The following ADAM23 variants were observed in gnomAD, a reference collection of about 807,000 sequenced individuals.
The protein encoded by ADAM23 is ADAM metallopeptidase domain 23.
A neutral mutation model predicts 120.1 loss-of-function variants in ADAM23; 33 were observed. The observed-to-expected ratio is 0.27, with a 90% CI of 0.21 to 0.37. The LOEUF (loss-of-function observed/expected upper bound fraction) is 0.37. Ranked by LOEUF, ADAM23 falls within the 10% of genes least tolerant of loss-of-function variation. The probability of loss-of-function intolerance (pLI) is 1.00; values close to 1 mark genes in which losing one functional copy is unlikely to be tolerated. For synonymous variants in ADAM23, 367 were observed against 375.2 expected, an observed-to-expected ratio of 0.98 and a Z score of 0.25; for missense variants, 862 against 1,058.2, an observed-to-expected ratio of 0.81 and a Z score of 2.57.
chr2:206,505,295 C>T (rs1696474520), intron 3 of ADAM23, among the ~76,000 whole-genome samples: 1 of 152,170 alleles, frequency 6.6e-6, no homozygotes, highest in Non-Finnish European at 1.5e-5. Flanking sequence ...TACACATTTC[C>T]AGTGTGTGTT....
At chr2:206,454,650 A>G (rs1329072496) in intron 2 of ADAM23, among the ~76,000 whole-genome samples, 1 of 152,216 alleles carries the variant, frequency 6.6e-6, no homozygotes, top group Non-Finnish European at 1.5e-5. Context: ...ATAAAAAACA[A>G]GTTAGTTACT....
chr2:206,476,545 T>C (rs539128396), intron 2 of ADAM23, among the ~76,000 whole-genome samples: 1 of 152,166 alleles, frequency 6.6e-6, no homozygotes, highest in African/African-American at 2.4e-5. Flanking sequence ...GTGCGATGGA[T>C]CTAGGTTGCA....
intron 13 of ADAM23, among the ~76,000 whole-genome samples, chr2:206,564,182 A>C (rs187674775): frequency 1.8e-4 from 28 of 151,920 alleles, no homozygotes; most frequent in African/African-American, 3.6e-4. Flanking sequence ...ACCTCTCTCT[A>C]TATATATACG....
chr2:206,451,482 C>T (rs929885558), intron 2 of ADAM23, among the ~76,000 whole-genome samples: 9 of 152,182 alleles, frequency 5.9e-5, no homozygotes, highest in Admixed American at 3.3e-4. Flanking sequence ...TCAGGTGATC[C>T]GCCCACTTTG....
At chr2:206,589,638 G>A (rs923171397) in intron 21 of ADAM23, 124 bp downstream of exon 21, 4 of 688,244 alleles carry the variant, frequency 5.8e-6, no homozygotes, top group African/African-American at 5.4e-5. Flanking sequence ...AAAATTTAAA[G>A]TATTTATTTT....
intron 2 of ADAM23, among the ~76,000 whole-genome samples, chr2:206,465,148 C>CT (rs1273388639): frequency 6.6e-6 from 1 of 152,162 alleles, no homozygotes; most frequent in African/African-American, 2.4e-5. Context: ...TGGGCTTAAG[C>CT]AATCCTCAGC....
intron 3 of ADAM23, among the ~76,000 whole-genome samples, chr2:206,496,318 A>C (rs1696246652): frequency 6.6e-6 from 1 of 152,222 alleles, no homozygotes. Flanking sequence ...ACCACAGTGC[A>C]ATCAAACTAG....
intron 2 of ADAM23, among the ~76,000 whole-genome samples, chr2:206,448,274 G>C (rs922204085): frequency 1.3e-5 from 2 of 151,978 alleles, no homozygotes; most frequent in African/African-American, 4.8e-5. Context: ...CTTGATTTTT[G>C]GTGCTTACTC....
intron 18 of ADAM23, among the ~76,000 whole-genome samples, chr2:206,574,271 A>G (rs1189258560): frequency 2.0e-5 from 3 of 152,220 alleles, no homozygotes; most frequent in Middle Eastern, 3.4e-3. Context: ...CTCAACCTGT[A>G]CATATTTTAA....
intron 3 of ADAM23, among the ~76,000 whole-genome samples, chr2:206,487,014 G>C (rs1327664184): frequency 6.6e-6 from 1 of 152,090 alleles, no homozygotes; most frequent in Non-Finnish European, 1.5e-5. Context: ...ATAATGTTTT[G>C]AGGTTCATCC....
chr2:206,501,320 A>G (rs1342734236), intron 3 of ADAM23, among the ~76,000 whole-genome samples: 1 of 151,904 alleles, frequency 6.6e-6, no homozygotes, highest in Non-Finnish European at 1.5e-5. Flanking sequence ...TTCTTAAACT[A>G]TGCTGATTGC....
At chr2:206,574,184 T>G (rs1006985224) in intron 18 of ADAM23, among the ~76,000 whole-genome samples, 3 of 152,216 alleles carry the variant, frequency 2.0e-5, no homozygotes, top group Admixed American at 2.0e-4. Context: ...CATCATCATG[T>G]CAACGTTCAA....
intron 3 of ADAM23, among the ~76,000 whole-genome samples, chr2:206,517,735 G>A (rs191012470): frequency 1.3e-5 from 2 of 152,240 alleles, no homozygotes; most frequent in African/African-American, 4.8e-5. Flanking sequence ...TTTCCTGGAT[G>A]TGAATCAGTT....
At chr2:206,516,347 A>G (rs1696731330) in intron 3 of ADAM23, among the ~76,000 whole-genome samples, 1 of 152,148 alleles carries the variant, frequency 6.6e-6, no homozygotes, top group South Asian at 2.1e-4. Flanking sequence ...CATTCCACAA[A>G]AGAATAATTT....
intron 19 of ADAM23, 48 bp downstream of exon 19, chr2:206,587,423 G>C: frequency 7.3e-7 from 1 of 1,374,330 alleles, no homozygotes; most frequent in South Asian, 1.3e-5. Context: ...GGATTCATTG[G>C]AAAGTTTTTT....
At chr2:206,457,257 C>T (rs183126644) in intron 2 of ADAM23, among the ~76,000 whole-genome samples, 290 of 152,208 alleles carry the variant, frequency 1.9e-3, no homozygotes, top group Non-Finnish European at 2.7e-3. Flanking sequence ...GCATAACTGC[C>T]AAGATGATTA....
At chr2:206,587,828 G>A (rs1388734432) in intron 19 of ADAM23, among the ~76,000 whole-genome samples, 2 of 152,172 alleles carry the variant, frequency 1.3e-5, no homozygotes, top group Non-Finnish European at 2.9e-5. Context: ...TCACAGAAAT[G>A]TACCAATTTT....
At chr2:206,490,235 A>T (rs1268048117) in intron 3 of ADAM23, among the ~76,000 whole-genome samples, 3 of 152,182 alleles carry the variant, frequency 2.0e-5, no homozygotes, top group Admixed American at 2.0e-4. Flanking sequence ...AGCCCTGCTG[A>T]CACCTTGATC....
intron 18 of ADAM23, among the ~76,000 whole-genome samples, chr2:206,579,673 G>A (rs533475458): frequency 6.6e-6 from 1 of 152,176 alleles, no homozygotes; most frequent in South Asian, 2.1e-4. Flanking sequence ...AATGCCTCCA[G>A]ATTTGTTCTT....
Sources: allele counts gnomAD v4.1 joint callset (sites outside exome capture counted in the v4.1 genomes callset), GRCh38; gene constraint gnomAD v4.1.1; transcripts MANE v1.5; gene names NCBI Gene and HGNC (gene_info 2026-07-23, HGNC 2026-07-21).